Variants in PDZRN4 observed in about 807,000 individuals in gnomAD.
PDZRN4 encodes PDZ domain-containing RING finger protein 4.
Under a neutral mutation model 99.0 loss-of-function variants are expected in PDZRN4, and 70 were observed. The ratio of observed to expected loss-of-function variants is 0.71; its 90% CI spans 0.58 to 0.86. The LOEUF (loss-of-function observed/expected upper bound fraction) is 0.86. PDZRN4 is among the 40% of genes least tolerant of loss of function. The pLI is 0.00. For missense variants in PDZRN4, 1,474 were observed against 1,331.2 expected, an observed-to-expected ratio of 1.11 and a Z score of -1.67; for synonymous variants, 551 against 501.6, an observed-to-expected ratio of 1.10 and a Z score of -1.32.
intron 3 of PDZRN4, among the ~76,000 whole-genome samples, chr12:41,387,166 C>T (rs2121111811): frequency 6.6e-6 from 1 of 152,266 alleles, no homozygotes; most frequent in African/African-American, 2.4e-5. Context: ...AATGAACTAT[C>T]AACAGAGTAC....
chr12:41,275,670 AT>A (rs149263972), intron 3 of PDZRN4, among the ~76,000 whole-genome samples: 5,515 of 152,200 alleles, frequency 0.036, 331 homozygotes, highest in African/African-American at 0.12. Context: ...TTTTAAAAAA[AT>A]AATCATTTCT....
intron 3 of PDZRN4, among the ~76,000 whole-genome samples, chr12:41,307,160 T>C (rs1219111446): frequency 1.3e-5 from 2 of 152,128 alleles, no homozygotes; most frequent in Non-Finnish European, 2.9e-5. Flanking sequence ...TCAGTACCAA[T>C]TCCTATCTTA....
chr12:41,245,565 G>C (rs891447217), intron 3 of PDZRN4, among the ~76,000 whole-genome samples: 3 of 152,112 alleles, frequency 2.0e-5, no homozygotes, highest in Admixed American at 2.0e-4. Flanking sequence ...ATGATATGTG[G>C]TGGAGGGAAT....
chr12:41,475,270 A>G (rs1013713047), intron 3 of PDZRN4, among the ~76,000 whole-genome samples: 2 of 152,220 alleles, frequency 1.3e-5, no homozygotes, highest in African/African-American at 4.8e-5. Flanking sequence ...TAGAAAAATG[A>G]GGACCAGGTA....
At position 41,501,543 on chromosome 12, in the gene PDZRN4, G is replaced by A. The variant is rs563102360; in HGVS notation, c.844-4913G>A. On this transcript the variant is annotated intron_variant, in intron 3 of 9. Coordinates refer to ENST00000402685, the MANE Select transcript of PDZRN4 (RefSeq NM_001164595.2). ...CCATGATATGGTTTACATATGAAAAGCCCTCTTCTTTACCTAACATTCGCA... is the reference window on the plus strand; with the variant it reads ...CCATGATATGGTTTACATATGAAAAACCCTCTTCTTTACCTAACATTCGCA... Among the ~76,000 whole-genome samples, 244 of 152,230 alleles carry A rather than the reference G, an allele frequency of 1.6e-3. 1 individual carries two copies. Among genetic ancestry groups the A allele is most frequent in the African/African-American group, 5.0e-3 (209 of 41,560 alleles).
intron 3 of PDZRN4, among the ~76,000 whole-genome samples, chr12:41,241,014 A>G (rs1490689180): frequency 6.6e-6 from 1 of 151,998 alleles, no homozygotes; most frequent in Non-Finnish European, 1.5e-5. Flanking sequence ...TTCAGTATCT[A>G]TTTTGCTCCT....
At chr12:41,204,655 T>A (rs1950836424) in intron 3 of PDZRN4, among the ~76,000 whole-genome samples, 1 of 152,004 alleles carries the variant, frequency 6.6e-6, no homozygotes, top group Non-Finnish European at 1.5e-5. Context: ...CTGTGAGAAC[T>A]CACTCACTAT....
At chr12:41,295,276 C>G (rs1951484334) in intron 3 of PDZRN4, among the ~76,000 whole-genome samples, 1 of 152,064 alleles carries the variant, frequency 6.6e-6, no homozygotes, top group African/African-American at 2.4e-5. Context: ...ATACAGGAAA[C>G]ACTGGAAACA....
intron 3 of PDZRN4, among the ~76,000 whole-genome samples, chr12:41,487,335 A>G (rs996431281): frequency 6.6e-6 from 1 of 152,140 alleles, no homozygotes; most frequent in Non-Finnish European, 1.5e-5. Context: ...AATATTTCCT[A>G]ATTTTCCATT....
At chr12:41,335,147 G>T (rs1028093406) in intron 3 of PDZRN4, among the ~76,000 whole-genome samples, 1 of 151,548 alleles carries the variant, frequency 6.6e-6, no homozygotes, top group Non-Finnish European at 1.5e-5. Context: ...GACAAGGGGA[G>T]ATTCATTTAC....
At chr12:41,342,523 T>C (rs983777881) in intron 3 of PDZRN4, among the ~76,000 whole-genome samples, 5 of 151,760 alleles carry the variant, frequency 3.3e-5, no homozygotes, top group African/African-American at 1.2e-4. Context: ...AATAATCAAA[T>C]TTTTTAAATG....
chr12:41,198,732 C>T (rs1002675236), intron 3 of PDZRN4, among the ~76,000 whole-genome samples: 4 of 151,244 alleles, frequency 2.6e-5, no homozygotes, highest in Admixed American at 1.3e-4. Flanking sequence ...GCACATTGTG[C>T]ACATGTACCC....
chr12:41,313,323 C>T (rs896877186), intron 3 of PDZRN4, among the ~76,000 whole-genome samples: 10 of 152,180 alleles, frequency 6.6e-5, no homozygotes, highest in African/African-American at 2.4e-4. Context: ...CCCCAGTTTT[C>T]CTTTTGCCAT....
At chr12:41,508,508 G>A (rs932991036) in intron 4 of PDZRN4, among the ~76,000 whole-genome samples, 2 of 152,068 alleles carry the variant, frequency 1.3e-5, no homozygotes, top group African/African-American at 2.4e-5. Context: ...CTAAATAAAC[G>A]TCGAATGAAT....
intron 5 of PDZRN4, among the ~76,000 whole-genome samples, chr12:41,531,146 G>C (rs1310622860): frequency 1.3e-5 from 2 of 152,148 alleles, no homozygotes; most frequent in Non-Finnish European, 2.9e-5. Context: ...CCGGGTTCTT[G>C]CCTTGGTGTA....
chr12:41,513,197 C>T (rs904860366), intron 5 of PDZRN4, among the ~76,000 whole-genome samples: 2 of 152,016 alleles, frequency 1.3e-5, no homozygotes, highest in African/African-American at 4.8e-5. Flanking sequence ...CACTGATGGA[C>T]TGTAACAGGT....
intron 3 of PDZRN4, among the ~76,000 whole-genome samples, chr12:41,284,796 G>C (rs957229301): frequency 2.0e-5 from 3 of 152,120 alleles, no homozygotes; most frequent in Non-Finnish European, 4.4e-5. Flanking sequence ...GGGAAAGCTG[G>C]CTAGCCATAT....
chr12:41,464,022 C>T (rs1218974014), intron 3 of PDZRN4, among the ~76,000 whole-genome samples: 2 of 152,132 alleles, frequency 1.3e-5, no homozygotes, highest in African/African-American at 4.8e-5. Context: ...TCATGGCTTC[C>T]ATCGTGAGTC....
chr12:41,256,427 C>T (rs1255516174), intron 3 of PDZRN4, among the ~76,000 whole-genome samples: 1 of 152,060 alleles, frequency 6.6e-6, no homozygotes, highest in Non-Finnish European at 1.5e-5. Context: ...ATTATGTCTC[C>T]ATTCAATTGA....
Sources: allele counts gnomAD v4.1 joint callset (sites outside exome capture counted in the v4.1 genomes callset), GRCh38; gene constraint gnomAD v4.1.1; transcripts MANE v1.5; gene names NCBI Gene and HGNC (gene_info 2026-07-23, HGNC 2026-07-21).